Variants in SLX4IP observed in about 807,000 individuals in gnomAD.
SLX4IP encodes the protein protein SLX4IP.
In SLX4IP, 34 loss-of-function variants were observed where a neutral mutation model predicts 32.9. That is an observed-to-expected ratio of 1.03 (90% CI 0.79 to 1.38). The LOEUF (loss-of-function observed/expected upper bound fraction) is 1.38, where lower values mean the gene tolerates loss of function less well. Ranked by LOEUF, SLX4IP falls within the 40% of genes most tolerant of loss-of-function variation. The pLI, the probability that SLX4IP is intolerant of heterozygous loss-of-function variation, is 0.00. For synonymous variants in SLX4IP, 172 were observed against 171.7 expected (o/e 1.00, Z -0.01); for missense variants, 444 against 479.0 (o/e 0.93, Z 0.68).
chr20:10,452,674 A>ATATAT (rs201507537), intron 1 of SLX4IP, among the ~76,000 whole-genome samples: 33 of 93,772 alleles, frequency 3.5e-4, no homozygotes, highest in East Asian at 1.3e-3. Flanking sequence ...CAAAAAAAAA[A>ATATAT]AAAAAAATAT....
At chr20:10,595,830 A>G (rs1342066626) in intron 4 of SLX4IP, among the ~76,000 whole-genome samples, 1 of 152,230 alleles carries the variant, frequency 6.6e-6, no homozygotes, top group Non-Finnish European at 1.5e-5. Flanking sequence ...TCATATGACC[A>G]GTCGAATTTG....
rs572657933 is a variant in SLX4IP, at chr20:10,480,670, A to G, written c.27+22439A>G. Among the ~76,000 whole-genome samples, 6 of 152,354 alleles carry G rather than the reference A, an allele frequency of 3.9e-5. No individual in the cohort carries two copies. The East Asian group carries it at 9.6e-4, about 24-fold the overall frequency. ...TTCTTTTTCTCATGTAGATTTTCCT[A>G]TAAGATTTCTTTGAAATTAAAATAG... is the stretch of plus-strand genomic sequence containing the variant. On this transcript the variant is annotated intron_variant, in intron 2 of 7. Transcript: ENST00000334534.
At chr20:10,614,867 G>T (rs1221842379) in intron 6 of SLX4IP, among the ~76,000 whole-genome samples, 1 of 152,106 alleles carries the variant, frequency 6.6e-6, no homozygotes, top group Admixed American at 6.5e-5. Context: ...GTAGCCACTG[G>T]CCACATTTGA....
At chr20:10,606,954 T>C (rs1331049905) in intron 6 of SLX4IP, among the ~76,000 whole-genome samples, 1 of 152,218 alleles carries the variant, frequency 6.6e-6, no homozygotes, top group Non-Finnish European at 1.5e-5. Context: ...GTCAGTGCTG[T>C]ATGGTAGGAT....
chr20:10,490,255 T>C (rs35846616), intron 2 of SLX4IP, among the ~76,000 whole-genome samples: 32,825 of 151,940 alleles, frequency 0.22, 3,677 homozygotes, highest in South Asian at 0.4. Context: ...TTATGAGTAT[T>C]TATAATATCA....
intron 2 of SLX4IP, among the ~76,000 whole-genome samples, chr20:10,466,704 C>T (rs2065383619): frequency 6.6e-6 from 1 of 151,960 alleles, no homozygotes; most frequent in Non-Finnish European, 1.5e-5. Context: ...AGGCTAAACG[C>T]TTTTACTTTT....
At chr20:10,583,111 C>A (rs963676726) in intron 4 of SLX4IP, among the ~76,000 whole-genome samples, 1 of 152,136 alleles carries the variant, frequency 6.6e-6, no homozygotes, top group Middle Eastern at 3.2e-3. Context: ...TTTTAAACAG[C>A]ATATAGCCAA....
At chr20:10,454,949 T>C (rs896765163) in intron 1 of SLX4IP, among the ~76,000 whole-genome samples, 10 of 152,224 alleles carry the variant, frequency 6.6e-5, no homozygotes, top group African/African-American at 1.7e-4. Context: ...TCTTAATGGG[T>C]ATAAAGTAAT....
intron 2 of SLX4IP, among the ~76,000 whole-genome samples, chr20:10,489,803 C>G (rs1427153744): frequency 6.6e-6 from 1 of 152,172 alleles, no homozygotes; most frequent in Non-Finnish European, 1.5e-5. Flanking sequence ...AGGACAGTTT[C>G]TCTGAATTCA....
chr20:10,507,907 T>C (rs1345953200), intron 2 of SLX4IP, among the ~76,000 whole-genome samples: 1 of 149,172 alleles, frequency 6.7e-6, no homozygotes, highest in African/African-American at 2.4e-5. Context: ...GTCTCCTTTA[T>C]ATATATATAT....
At chr20:10,444,409 G>T (rs1004300403) in intron 1 of SLX4IP, among the ~76,000 whole-genome samples, 1 of 151,814 alleles carries the variant, frequency 6.6e-6, no homozygotes, top group African/African-American at 2.4e-5. Flanking sequence ...CTGGAGTCTC[G>T]CTCTGTCACC....
At chr20:10,577,642 G>A (rs1047019670) in intron 4 of SLX4IP, among the ~76,000 whole-genome samples, 1 of 152,222 alleles carries the variant, frequency 6.6e-6, no homozygotes, top group African/African-American at 2.4e-5. Context: ...AATGGCTTGA[G>A]CCCAGGAATT....
At chr20:10,510,437 A>G (rs2065796775) in intron 2 of SLX4IP, among the ~76,000 whole-genome samples, 1 of 152,190 alleles carries the variant, frequency 6.6e-6, no homozygotes, top group Non-Finnish European at 1.5e-5. Flanking sequence ...CCCATTGTGC[A>G]GTCAAGTATC....
chr20:10,518,349 T>C (rs1029679815), intron 2 of SLX4IP, among the ~76,000 whole-genome samples: 8 of 106,742 alleles, frequency 7.5e-5, no homozygotes, highest in Admixed American at 3.1e-4. Flanking sequence ...TTTTCTTTCT[T>C]TCTCTCTTTC....
At chr20:10,455,959 A>C (rs2065282313) in intron 1 of SLX4IP, among the ~76,000 whole-genome samples, 1 of 152,096 alleles carries the variant, frequency 6.6e-6, no homozygotes, top group African/African-American at 2.4e-5. Flanking sequence ...CTAATATGAA[A>C]ATCCAAAATA....
chr20:10,613,364 T>G (rs1377270840), intron 6 of SLX4IP: 8 of 1,306,712 alleles, frequency 6.1e-6, no homozygotes, highest in Non-Finnish European at 8.8e-6. Context: ...CTTTTTGCCT[T>G]CAAGTCTTGC....
At chr20:10,537,956 C>T (rs1804817577) in intron 2 of SLX4IP, among the ~76,000 whole-genome samples, 1 of 152,130 alleles carries the variant, frequency 6.6e-6, no homozygotes, top group Non-Finnish European at 1.5e-5. Context: ...TAAAAGCTAA[C>T]AGTGATATAA....
At chr20:10,486,184 ATTT>A (rs34444606) in intron 2 of SLX4IP, among the ~76,000 whole-genome samples, 9,720 of 145,066 alleles carry the variant, frequency 0.067, 947 homozygotes, top group African/African-American at 0.22. Flanking sequence ...CCTTGCTTAA[ATTT>A]TTTTTTTTTT....
In SLX4IP at chr20:10,584,989, C is replaced by T. The variant is rs181925262; in HGVS notation, c.239-13686C>T. ...TAGAAAATGTAGAATAGAAAACAGA[C>T]TACATAAAAAGAAAAAGCAGAAAGC... is the stretch of plus-strand genomic sequence containing the variant. On this transcript the variant is annotated intron_variant, in intron 4 of 7. Transcript: ENST00000334534. 9.7e-4 allele frequency among the ~76,000 whole-genome samples: 148 copies of T among 152,142 alleles called. 1 individual carries two copies. Among genetic ancestry groups the T allele is most frequent in the African/African-American group, 3.5e-3 (144 of 41,500 alleles).
Sources: allele counts gnomAD v4.1 joint callset (sites outside exome capture counted in the v4.1 genomes callset), GRCh38; gene constraint gnomAD v4.1.1; transcripts MANE v1.5; gene names NCBI Gene and HGNC (gene_info 2026-07-23, HGNC 2026-07-21).